The following GLI3 variants were observed in gnomAD, a reference collection of about 807,000 sequenced individuals.
The protein encoded by GLI3 is transcription activator GLI3.
A neutral mutation model predicts 100.8 loss-of-function variants in GLI3; 20 were observed. The ratio of observed to expected loss-of-function variants is 0.20; its 90% CI spans 0.14 to 0.29. The LOEUF (loss-of-function observed/expected upper bound fraction) is 0.29. GLI3 is among the 10% of genes least tolerant of loss of function. GLI3 has a pLI of 1.00. For missense variants in GLI3, 2,040 were observed against 2,128.5 expected (o/e 0.96, Z 0.82); for synonymous variants, 938 against 860.5 (o/e 1.09, Z -1.58).
chr7:42,054,712 A>G (rs1239039290), intron 4 of GLI3, among the ~76,000 whole-genome samples: 2 of 152,136 alleles, frequency 1.3e-5, no homozygotes. Flanking sequence ...GTCCCAGTGC[A>G]GTGGCTCCTG....
chr7:42,157,121 C>T (rs1178343720), intron 2 of GLI3, among the ~76,000 whole-genome samples: 2 of 152,210 alleles, frequency 1.3e-5, no homozygotes, highest in African/African-American at 4.8e-5. Flanking sequence ...CCATGAGGGA[C>T]AGACAGCAAG....
At chr7:42,216,506 C>A (rs760140490) in intron 2 of GLI3, among the ~76,000 whole-genome samples, 2 of 152,086 alleles carry the variant, frequency 1.3e-5, no homozygotes, top group Non-Finnish European at 2.9e-5. Flanking sequence ...AACAGTGCAT[C>A]AATATTGGTT....
intron 1 of GLI3, among the ~76,000 whole-genome samples, chr7:42,236,652 T>C (rs892245617): frequency 2.0e-5 from 3 of 152,042 alleles, no homozygotes; most frequent in African/African-American, 7.2e-5. Flanking sequence ...CTGAACCCTT[T>C]GGATGGGGGC....
chr7:42,237,253 C>T (rs1232831968), upstream of GLI3, among the ~76,000 whole-genome samples: 1 of 151,696 alleles, frequency 6.6e-6, no homozygotes, highest in African/African-American at 2.4e-5. Context: ...CCCTCCCGCT[C>T]GTGCAGCTCC....
chr7:42,177,090 G>A (rs549180516), intron 2 of GLI3, among the ~76,000 whole-genome samples: 15 of 152,092 alleles, frequency 9.9e-5, no homozygotes, highest in Admixed American at 2.0e-4. Context: ...AGGTGCTGAC[G>A]CTCCAGTGAT....
At chr7:42,212,952 T>A (rs1455776509) in intron 2 of GLI3, among the ~76,000 whole-genome samples, 2 of 152,192 alleles carry the variant, frequency 1.3e-5, no homozygotes, top group African/African-American at 4.8e-5. Context: ...CTCATCTTCC[T>A]AGGATTCCTA....
At chr7:42,254,769 G>A (rs146346912) in intron 1 of GLI3, among the ~76,000 whole-genome samples, 61 of 134,252 alleles carry the variant, frequency 4.5e-4, no homozygotes, top group African/African-American at 1.6e-3. Flanking sequence ...CCACTTTTCG[G>A]TCTGTTCTCT....
At chr7:42,111,012 C>T (rs1378805651) in intron 3 of GLI3, among the ~76,000 whole-genome samples, 3 of 152,208 alleles carry the variant, frequency 2.0e-5, no homozygotes, top group South Asian at 2.1e-4. Context: ...GAGATGCAAA[C>T]TCTGGAAGGC....
intron 3 of GLI3, among the ~76,000 whole-genome samples, chr7:42,085,680 G>C (rs1785088796): frequency 6.6e-6 from 1 of 152,152 alleles, no homozygotes; most frequent in South Asian, 2.1e-4. Flanking sequence ...TGCCAGGGCA[G>C]GGAAACCCAG....
At chr7:42,234,165 C>T (rs1050886834) in intron 1 of GLI3, among the ~76,000 whole-genome samples, 1 of 152,166 alleles carries the variant, frequency 6.6e-6, no homozygotes, top group East Asian at 1.9e-4. Flanking sequence ...CTCATTGATT[C>T]ACTTTTCCTT....
intron 4 of GLI3, among the ~76,000 whole-genome samples, chr7:42,060,586 C>A (rs1293370376): frequency 1.3e-5 from 2 of 152,016 alleles, no homozygotes; most frequent in African/African-American, 4.8e-5. Context: ...TGTGACTTTC[C>A]TCTCTATTTT....
intron 1 of GLI3, among the ~76,000 whole-genome samples, chr7:42,254,264 C>T (rs143586659): frequency 8.5e-4 from 125 of 147,904 alleles, no homozygotes; most frequent in African/African-American, 2.8e-3. Context: ...GCCTTGGGCA[C>T]GAATGTAGGG....
intron 1 of GLI3, among the ~76,000 whole-genome samples, chr7:42,236,354 G>T (rs9655430): frequency 1.3e-5 from 2 of 152,206 alleles, no homozygotes; most frequent in African/African-American, 4.8e-5. Context: ...AAAGAAATAA[G>T]AGAATCCCAA....
At chr7:41,987,081 C>T (rs889175729) in intron 10 of GLI3, among the ~76,000 whole-genome samples, 8 of 113,840 alleles carry the variant, frequency 7.0e-5, no homozygotes, top group Non-Finnish European at 1.2e-4. Flanking sequence ...TCTGCTACAA[C>T]ATACACAGAC....
At position 42,118,473 on chromosome 7, in the gene GLI3, C is replaced by T. The variant is rs558576511; in HGVS notation, c.367+29753G>A. On this transcript the variant is annotated intron_variant, in intron 3 of 14. Coordinates refer to ENST00000395925, the MANE Select transcript of GLI3 (RefSeq NM_000168.6). ...AAGTCTAACACACAGCAACTAGAGA[C>T]CCCTAGCCCCCAATTTTCAGTGTTT... 3.3e-5 allele frequency: 13 copies of T among 395,304 alleles called. No homozygotes were observed. The East Asian group carries it at 4.7e-4, about 14-fold the overall frequency. The allele number at this position is 395,304 out of a possible 1,614,324, so 24.5% of individuals were successfully genotyped here.
intron 1 of GLI3, among the ~76,000 whole-genome samples, chr7:42,246,903 A>ATGGG (rs2128709849): frequency 1.4e-5 from 2 of 144,092 alleles, no homozygotes; most frequent in South Asian, 4.4e-4. Flanking sequence ...CCTTCTGAGA[A>ATGGG]TGGGTTTATA....
chr7:42,184,889 T>C (rs1047366021), intron 2 of GLI3, among the ~76,000 whole-genome samples: 1 of 152,148 alleles, frequency 6.6e-6, no homozygotes, highest in African/African-American at 2.4e-5. Context: ...GGCACCTTCG[T>C]TGCATCCTGA....
chr7:42,016,724 TCAC>T (rs895118267), intron 10 of GLI3, among the ~76,000 whole-genome samples: 13 of 152,228 alleles, frequency 8.5e-5, no homozygotes, highest in African/African-American at 1.9e-4. Context: ...ATCATCATCA[TCAC>T]CACCATCATC....
chr7:42,163,944 C>A (rs916011932), intron 2 of GLI3, among the ~76,000 whole-genome samples: 2 of 152,144 alleles, frequency 1.3e-5, no homozygotes, highest in African/African-American at 2.4e-5. Context: ...TAATCTTTTG[C>A]TTACTTGTCT....
Sources: gnomAD v4.1 joint callset for allele counts (sites outside exome capture counted in the v4.1 genomes callset) on GRCh38, gnomAD v4.1.1 for gene constraint, MANE v1.5 for transcripts, NCBI Gene and HGNC (gene_info 2026-07-23, HGNC 2026-07-21) for gene names.